The following USH2A variants were observed in gnomAD, a reference collection of about 807,000 sequenced individuals.
The protein encoded by USH2A is usherin.
Under a neutral mutation model 538.9 loss-of-function variants are expected in USH2A, and 443 were observed. That is an observed-to-expected ratio of 0.82 (90% CI 0.76 to 0.89). USH2A has a LOEUF of 0.89. USH2A is among the 40% of genes least tolerant of loss of function. The pLI, the probability that USH2A is intolerant of heterozygous loss-of-function variation, is 0.00. For synonymous variants in USH2A, 2,413 were observed against 2,273.5 expected (o/e 1.06, Z -1.75); for missense variants, 6,633 against 6,324.8 (o/e 1.05, Z -1.65).
At chr1:216,292,631 G>A (rs1478197937) in intron 9 of USH2A, among the ~76,000 whole-genome samples, 2 of 151,994 alleles carry the variant, frequency 1.3e-5, no homozygotes, top group African/African-American at 2.4e-5. Context: ...TTGTGGGTAC[G>A]TAGTAGGTGT....
chr1:216,297,498 C>A (rs185503874), intron 9 of USH2A, among the ~76,000 whole-genome samples: 1 of 151,926 alleles, frequency 6.6e-6, no homozygotes, highest in Non-Finnish European at 1.5e-5. Flanking sequence ...AAAACAAATC[C>A]TGGAAGTTAT....
chr1:215,999,907 C>T (rs1413731098), intron 33 of USH2A, among the ~76,000 whole-genome samples: 5 of 151,932 alleles, frequency 3.3e-5, no homozygotes, highest in Non-Finnish European at 7.4e-5. Context: ...TAAGAGAGAC[C>T]TATTAGATTT....
intron 32 of USH2A, among the ~76,000 whole-genome samples, chr1:216,039,068 A>C (rs113320887): frequency 2.0e-5 from 3 of 152,174 alleles, no homozygotes; most frequent in Admixed American, 6.6e-5. Flanking sequence ...ACCTTAATGG[A>C]AGAACGACAC....
chr1:215,898,720 A>G (rs1355474315), intron 40 of USH2A, among the ~76,000 whole-genome samples: 2 of 152,238 alleles, frequency 1.3e-5, no homozygotes, highest in South Asian at 4.1e-4. Context: ...AGGAGATTAC[A>G]AATCTATCTT....
chr1:215,761,311 A>G (rs1035841324), intron 56 of USH2A, among the ~76,000 whole-genome samples: 1 of 152,008 alleles, frequency 6.6e-6, no homozygotes, highest in African/African-American at 2.4e-5. Context: ...CACTCTCTTA[A>G]CTCTAACTTG....
intron 61 of USH2A, among the ~76,000 whole-genome samples, chr1:215,714,404 G>C (rs1473320626): frequency 1.2e-4 from 19 of 152,142 alleles, no homozygotes; most frequent in Admixed American, 1.2e-3. Flanking sequence ...GGGGACACCT[G>C]GGTAAGAGCT....
intron 4 of USH2A, among the ~76,000 whole-genome samples, chr1:216,352,261 C>T (rs2102691921): frequency 6.6e-6 from 1 of 151,938 alleles, no homozygotes; most frequent in South Asian, 2.1e-4. Context: ...ACTAAGAGGT[C>T]AAGTAGATGA....
At chr1:216,019,128 C>T (rs1668786031) in intron 32 of USH2A, among the ~76,000 whole-genome samples, 1 of 152,008 alleles carries the variant, frequency 6.6e-6, no homozygotes, top group Non-Finnish European at 1.5e-5. Flanking sequence ...TTTTATCTGG[C>T]TAGAAGAATA....
At chr1:216,311,741 G>T (rs1261383466) in intron 9 of USH2A, among the ~76,000 whole-genome samples, 1 of 152,012 alleles carries the variant, frequency 6.6e-6, no homozygotes, top group South Asian at 2.1e-4. Context: ...ACAAAATAAT[G>T]TCATGCGAGA....
In USH2A at chr1:216,000,544, G is replaced by A. The variant is rs373034742; in HGVS notation, c.6344C>T (p.Pro2115Leu). Residue 2115 changes from proline (P) to leucine (L), a missense_variant, in exon 33 of 72, where the codon CCC becomes CTC. By Grantham distance (98) the Pro-to-Leu change is moderately conservative (BLOSUM62 -3). Coordinates refer to ENST00000307340, the MANE Select transcript of USH2A (RefSeq NM_206933.4). ...YIVTDLAVFT[P>L]HQFLLSACTH... ...GCATGCACTTAGTAGAAACTGGTGGGGTGTAAATACTGCTAAATCTAGGGG... is the reference window on the plus strand; with the variant it reads ...GCATGCACTTAGTAGAAACTGGTGGAGTGTAAATACTGCTAAATCTAGGGG... The A allele has an allele frequency of 9.9e-6, 16 of 1,613,222 alleles. No homozygotes were observed. The African/African-American group carries it at 1.6e-4, about 16-fold the overall frequency.
intron 37 of USH2A, among the ~76,000 whole-genome samples, chr1:215,948,627 C>A (rs1348019046): frequency 6.6e-6 from 1 of 151,792 alleles, no homozygotes; most frequent in African/African-American, 2.4e-5. Flanking sequence ...TGCCTTCAAT[C>A]CATATAGTTG....
rs556472353 is a variant in USH2A, at chr1:216,312,324, C to A, written c.1644+9559G>T. ...CTCCTTTTAAGATATTTTTCCCTAA[C>A]TTTGATTTTTCTGCATTTGGAATAT... On this transcript the variant is annotated intron_variant, in intron 9 of 71. Coordinates refer to ENST00000307340, the MANE Select transcript of USH2A (RefSeq NM_206933.4). Among the ~76,000 whole-genome samples the A allele has an allele frequency of 1.4e-4, 21 of 152,158 alleles. No individual in the cohort carries two copies. In the South Asian group the frequency reaches 4.1e-3, roughly 30 times the overall value.
At chr1:216,256,326 T>C (rs2036258512) in intron 11 of USH2A, among the ~76,000 whole-genome samples, 1 of 151,252 alleles carries the variant, frequency 6.6e-6, no homozygotes. Flanking sequence ...TTTTCCTTTT[T>C]TTTTTTTTTG....
chr1:215,932,844 A>G (rs1242263866), intron 38 of USH2A, among the ~76,000 whole-genome samples: 3 of 152,064 alleles, frequency 2.0e-5, no homozygotes, highest in African/African-American at 4.8e-5. Context: ...CTGCACCACT[A>G]TAAAACAATA....
chr1:215,695,502 C>A lies in USH2A; in HGVS notation c.12067-15126G>T, dbSNP rs529702899. On this transcript the variant is annotated intron_variant, in intron 61 of 71. Coordinates refer to ENST00000307340, the MANE Select transcript of USH2A (RefSeq NM_206933.4). ...GTATTTCCCAATAAAAAAAAACAAC[C>A]AGATTCTAAAACTTACAACTTACAG... Among the ~76,000 whole-genome samples the A allele has an allele frequency of 9.2e-5, 14 of 152,032 alleles. No homozygotes were observed. In the South Asian group the frequency reaches 2.3e-3, roughly 25 times the overall value.
intron 32 of USH2A, among the ~76,000 whole-genome samples, chr1:216,011,609 CT>C (rs1363101549): frequency 3.3e-5 from 5 of 152,118 alleles, no homozygotes; most frequent in African/African-American, 9.7e-5. Context: ...ACAACTTGAC[CT>C]TACTGTTTTA....
At chr1:216,157,802 G>A (rs2033978796) in intron 21 of USH2A, among the ~76,000 whole-genome samples, 1 of 152,170 alleles carries the variant, frequency 6.6e-6, no homozygotes, top group African/African-American at 2.4e-5. Flanking sequence ...ACAGACACTG[G>A]AAGGGAGGGA....
intron 70 of USH2A, among the ~76,000 whole-genome samples, chr1:215,632,327 A>G (rs930198377): frequency 1.1e-4 from 17 of 152,178 alleles, no homozygotes; most frequent in African/African-American, 4.1e-4. Flanking sequence ...CAGATAGTTC[A>G]TGGTCCTCAC....
chr1:216,014,536 A>T (rs1668660319), intron 32 of USH2A, among the ~76,000 whole-genome samples: 1 of 152,234 alleles, frequency 6.6e-6, no homozygotes, highest in Middle Eastern at 3.2e-3. Flanking sequence ...TATGTACACA[A>T]ATCTGAGTTG....
Sources: gnomAD v4.1 joint callset for allele counts (sites outside exome capture counted in the v4.1 genomes callset) on GRCh38, gnomAD v4.1.1 for gene constraint, MANE v1.5 for transcripts, NCBI Gene and HGNC (gene_info 2026-07-23, HGNC 2026-07-21) for gene names.